The following IK variants were observed in gnomAD, a reference collection of about 807,000 sequenced individuals.
The protein encoded by IK is protein Red.
In IK, 47 loss-of-function variants were observed where a neutral mutation model predicts 90.9. That is an observed-to-expected ratio of 0.52 (90% CI 0.41 to 0.66). The LOEUF is 0.66. IK is among the 30% of genes least tolerant of loss of function. IK has a pLI of 0.00. For missense variants in IK, 385 were observed against 709.3 expected (o/e 0.54, Z 5.19); for synonymous variants, 201 against 227.5 (o/e 0.88, Z 1.05).
At chr5:140,648,051 T>C (rs1428467473) in intron 1 of IK, 127 bp downstream of exon 1, 53 of 802,038 alleles carry the variant, frequency 6.6e-5, no homozygotes, top group Non-Finnish European at 9.9e-5. Flanking sequence ...TGTGTATGTA[T>C]GTATGTGTGA....
At position 140,662,410 on chromosome 5, in the gene IK, G is replaced by GT. The variant is rs1329941826; in HGVS notation, c.*88dup. 15 of 1,430,246 alleles carry GT rather than the reference G, an allele frequency of 1.0e-5. No homozygotes were observed. Among genetic ancestry groups the GT allele is most frequent in the South Asian group, 7.0e-5 (6 of 85,558 alleles). The allele number at this position is 1,430,246 out of a possible 1,614,324, so 88.6% of individuals were successfully genotyped here. A position where few individuals can be genotyped will look rare whatever the true frequency, so the allele number is the denominator to read the frequency against. ...CTACAATTTCCAAAGGTTGCAAGAT[G>GT]TTTTTTTGTGGATGAATATAAAATT... On this transcript the variant is annotated 3_prime_UTR_variant, in exon 20 of 20. Coordinates refer to ENST00000417647, the MANE Select transcript of IK (RefSeq NM_006083.4).
At chr5:140,648,849 T>A in intron 2 of IK, 1 of 326,834 alleles carries the variant, frequency 3.1e-6, no homozygotes, top group African/African-American at 2.2e-5. Flanking sequence ...TCTTTTTATT[T>A]TTTTTGAGAC....
At chr5:140,649,404 AG>A (rs1281376506) in intron 2 of IK, among the ~76,000 whole-genome samples, 1 of 145,708 alleles carries the variant, frequency 6.9e-6, no homozygotes, top group Non-Finnish European at 1.5e-5. Flanking sequence ...TAGTAGAGAC[AG>A]GGTTTCACTG....
chr5:140,657,441 C>A, intron 9 of IK, 113 bp from the exon 10 acceptor site: 1 of 716,942 alleles, frequency 1.4e-6, no homozygotes, highest in Non-Finnish European at 2.3e-6. Flanking sequence ...CTTCGTTTCC[C>A]TCCCTTCACC....
intron 6 of IK, 117 bp from the exon 7 acceptor site, chr5:140,654,399 A>G (rs1262146079): frequency 1.7e-5 from 14 of 828,274 alleles, no homozygotes; most frequent in Admixed American, 2.7e-5. Context: ...CCATTAGAGT[A>G]AGAACAATAT....
intron 16 of IK, 47 bp downstream of exon 16, chr5:140,660,862 GT>G (rs777080984): frequency 9.2e-5 from 130 of 1,420,122 alleles, no homozygotes; most frequent in Non-Finnish European, 1.3e-4. Context: ...GTTATTATTT[GT>G]TTTACATGTA....
chr5:140,661,620 G>A lies in IK; in HGVS notation c.1414G>A (p.Gly472Ser). 2 of 1,603,266 alleles carry A rather than the reference G, an allele frequency of 1.2e-6. No individual in the cohort carries two copies. The highest frequency in any genetic ancestry group is 1.7e-6 in the Non-Finnish European group (2 of 1,174,034). The change falls in exon 17 of 20, where the codon GGT becomes AGT. Residue 472 changes from glycine (G) to serine (S), a missense_variant and splice_region_variant. Gly to Ser is a moderately conservative substitution (Grantham distance 56). Around this residue, in one of 8 missense-constraint regions of IK, gnomAD observed 23 missense variants for 115.2 expected, o/e 0.20. Transcript: ENST00000417647. This position sits in a 1 kb window ranked among gnomAD's most constrained non-coding sequence, Gnocchi z 4.2. ...ATCCCCCGATTCTGTCCTGCAACAG[G>A]GTAACAAGAAGGGGCCCTTAGGCCG... ...EEVDYSKMDQGNKKGPLGRWD... is the reference protein window; with the variant it reads ...EEVDYSKMDQSNKKGPLGRWD...
chr5:140,658,031 G>T (rs560483338), intron 10 of IK, among the ~76,000 whole-genome samples: 74 of 152,162 alleles, frequency 4.9e-4, no homozygotes, highest in African/African-American at 1.7e-3. Context: ...ACGGAGTCTC[G>T]CTCTGTCACC....
intron 1 of IK, 83 bp downstream of exon 1, chr5:140,648,007 G>GTGTGTGT: frequency 1.1e-6 from 1 of 930,684 alleles, no homozygotes. Flanking sequence ...GCTTAAGCCG[G>GTGTGTGT]GTGTGTGTGT....
Position 140,652,961 on chromosome 5 carries a change from C to G in IK, c.237-16C>G. 1 of 1,612,266 alleles carries G rather than the reference C, an allele frequency of 6.2e-7. No homozygotes were observed. Among genetic ancestry groups the G allele is most frequent in the Non-Finnish European group, 8.5e-7 (1 of 1,179,606 alleles). On this transcript the variant is annotated splice_polypyrimidine_tract_variant and intron_variant, in intron 4 of 19. Coordinates refer to ENST00000417647, the MANE Select transcript of IK (RefSeq NM_006083.4). ...CAGCTGATGAGCCTTATACATTTGC[C>G]TTTCTCTGGTCACAGTTATTATGCC...
intron 9 of IK, 29 bp from the exon 10 acceptor site, chr5:140,657,525 T>A (rs1465406564): frequency 1.4e-6 from 2 of 1,472,820 alleles, no homozygotes; most frequent in Non-Finnish European, 1.9e-6. Context: ...GCTGAGTGGT[T>A]TAACATTCTT....
intron 8 of IK, 89 bp from the exon 9 acceptor site, chr5:140,655,740 C>T: frequency 7.5e-7 from 1 of 1,340,610 alleles, no homozygotes; most frequent in Non-Finnish European, 1.0e-6. Context: ...TTGCATAGCA[C>T]TTGGCATGGT....
At chr5:140,650,813 G>C (rs941274098) in intron 2 of IK, among the ~76,000 whole-genome samples, 6 of 151,934 alleles carry the variant, frequency 3.9e-5, no homozygotes, top group Non-Finnish European at 1.5e-5. Flanking sequence ...TCCTGACCTC[G>C]GGTGATCCGC....
chr5:140,659,405 C>CA, intron 13 of IK, 72 bp downstream of exon 13: 1 of 1,547,010 alleles, frequency 6.5e-7, no homozygotes, highest in East Asian at 2.2e-5. Context: ...TCAGAGCTGG[C>CA]AACGGTGGGA....
At chr5:140,655,724 C>G in intron 8 of IK, 105 bp from the exon 9 acceptor site, 1 of 1,131,866 alleles carries the variant, frequency 8.8e-7, no homozygotes, top group East Asian at 2.5e-5. Context: ...TTAAATGACG[C>G]AAAGCTTGCA....
chr5:140,659,943 G>T (rs1043161183), intron 14 of IK, 109 bp downstream of exon 14: 2 of 958,934 alleles, frequency 2.1e-6, no homozygotes, highest in East Asian at 5.2e-5. Flanking sequence ...TCCCTTTTAC[G>T]CTGAATTTTG....
intron 8 of IK, 85 bp from the exon 9 acceptor site, chr5:140,655,744 G>A: frequency 2.2e-6 from 3 of 1,372,306 alleles, no homozygotes; most frequent in Non-Finnish European, 3.0e-6. Flanking sequence ...ATAGCACTTG[G>A]CATGGTGGCT....
intron 2 of IK, among the ~76,000 whole-genome samples, chr5:140,649,847 T>A (rs1177048001): frequency 1.3e-5 from 2 of 152,234 alleles, no homozygotes; most frequent in East Asian, 1.9e-4. Flanking sequence ...TACTCTTTTT[T>A]AAATGCATTT....
intron 2 of IK, among the ~76,000 whole-genome samples, chr5:140,649,471 T>C (rs1160368399): frequency 6.6e-6 from 1 of 151,846 alleles, no homozygotes; most frequent in Non-Finnish European, 1.5e-5. Flanking sequence ...CGCCTCAGCC[T>C]CCTAAAGTGC....
Sources: allele counts gnomAD v4.1 joint callset (sites outside exome capture counted in the v4.1 genomes callset), GRCh38; gene constraint gnomAD v4.1.1; regional missense constraint gnomAD v4.1.1; non-coding constraint Gnocchi (gnomAD v3.1); transcripts MANE v1.5; gene names NCBI Gene and HGNC (gene_info 2026-07-23, HGNC 2026-07-21).